GPC5: variants seen among roughly 807,000 people sequenced by gnomAD.
GPC5 encodes glypican 5.
A neutral mutation model predicts 53.9 loss-of-function variants in GPC5; 47 were observed. That is an observed-to-expected ratio of 0.87 (90% CI 0.69 to 1.11). The LOEUF is 1.11. GPC5 is among the 50% of genes most tolerant of loss of function. The probability of loss-of-function intolerance (pLI) is 0.00; values close to 1 mark genes in which losing one functional copy is unlikely to be tolerated. For synonymous variants in GPC5, 286 were observed against 263.3 expected, an observed-to-expected ratio of 1.09 and a Z score of -0.84; for missense variants, 748 against 713.1, an observed-to-expected ratio of 1.05 and a Z score of -0.56.
intron 7 of GPC5, among the ~76,000 whole-genome samples, chr13:92,652,765 G>A (rs555239387): frequency 6.6e-6 from 1 of 152,254 alleles, no homozygotes; most frequent in South Asian, 2.1e-4. Context: ...TCATGGCAAA[G>A]ATGCAATCCC....
intron 7 of GPC5, among the ~76,000 whole-genome samples, chr13:92,307,966 T>C (rs1385288580): frequency 6.6e-6 from 1 of 152,210 alleles, no homozygotes; most frequent in Non-Finnish European, 1.5e-5. Flanking sequence ...CATTTTTTAT[T>C]GTCAGATGGA....
intron 2 of GPC5, among the ~76,000 whole-genome samples, chr13:91,558,238 C>T (rs2031067989): frequency 6.6e-6 from 1 of 152,002 alleles, no homozygotes; most frequent in African/African-American, 2.4e-5. Context: ...TATTTGCTCA[C>T]AGTCTTATCA....
At chr13:92,026,265 C>A (rs1297874632) in intron 6 of GPC5, among the ~76,000 whole-genome samples, 2 of 151,826 alleles carry the variant, frequency 1.3e-5, no homozygotes, top group Non-Finnish European at 2.9e-5. Flanking sequence ...AGTTTCTTTA[C>A]ATAAATATTT....
chr13:92,557,529 C>CAA (rs1882538730), intron 7 of GPC5, among the ~76,000 whole-genome samples: 1 of 151,972 alleles, frequency 6.6e-6, no homozygotes, highest in Non-Finnish European at 1.5e-5. Context: ...GGCATATTTT[C>CAA]AAACACATTT....
At chr13:91,747,448 A>G (rs1283191334) in intron 4 of GPC5, among the ~76,000 whole-genome samples, 5 of 152,202 alleles carry the variant, frequency 3.3e-5, no homozygotes, top group Admixed American at 6.5e-5. Context: ...TGAATGAGCA[A>G]TTGTGCTACA....
At chr13:91,993,201 C>T (rs1201525967) in intron 6 of GPC5, among the ~76,000 whole-genome samples, 1 of 152,138 alleles carries the variant, frequency 6.6e-6, no homozygotes, top group African/African-American at 2.4e-5. Flanking sequence ...CTGTTGGATG[C>T]CTTTATTTCT....
chr13:92,589,047 G>T (rs1947610128), intron 7 of GPC5, among the ~76,000 whole-genome samples: 2 of 152,138 alleles, frequency 1.3e-5, no homozygotes, highest in Admixed American at 6.5e-5. Context: ...AAAACATGTG[G>T]CAGTTTCTTT....
chr13:91,886,910 T>C (rs915400546), intron 5 of GPC5, among the ~76,000 whole-genome samples: 67 of 152,286 alleles, frequency 4.4e-4, no homozygotes, highest in Middle Eastern at 6.8e-3. Flanking sequence ...GTAAACAGTG[T>C]AAGCTGTTGG....
At chr13:92,338,647 T>C (rs1381455201) in intron 7 of GPC5, among the ~76,000 whole-genome samples, 2 of 152,100 alleles carry the variant, frequency 1.3e-5, no homozygotes, top group Admixed American at 6.6e-5. Context: ...TAAAAGGTTA[T>C]ATACCATGTG....
chr13:91,437,167 G>A (rs573524353), intron 1 of GPC5, among the ~76,000 whole-genome samples: 2 of 152,208 alleles, frequency 1.3e-5, no homozygotes, highest in African/African-American at 2.4e-5. Context: ...TCTTTTAATT[G>A]GAGCATTTAG....
intron 7 of GPC5, among the ~76,000 whole-genome samples, chr13:92,670,960 C>T (rs1364087713): frequency 3.3e-5 from 5 of 152,092 alleles, no homozygotes; most frequent in South Asian, 2.1e-4. Context: ...TGGCAGCCTA[C>T]GATCCATCAA....
chr13:92,693,420 T>C (rs1016142885), intron 7 of GPC5, among the ~76,000 whole-genome samples: 1 of 152,118 alleles, frequency 6.6e-6, no homozygotes, highest in Non-Finnish European at 1.5e-5. Context: ...GATAGTAATA[T>C]GAAAAGTGAA....
At chr13:91,803,454 T>C (rs868377570) in intron 5 of GPC5, among the ~76,000 whole-genome samples, 26 of 152,210 alleles carry the variant, frequency 1.7e-4, no homozygotes, top group South Asian at 6.2e-4. Flanking sequence ...CACACATCTG[T>C]ACCTGGTCAT....
Position 92,020,969 on chromosome 13 carries a change from T to C in GPC5, c.1401+112912T>C, listed in dbSNP as rs1047392337. On this transcript the variant is annotated intron_variant, in intron 6 of 7. Coordinates refer to ENST00000377067, the MANE Select transcript of GPC5 (RefSeq NM_004466.6). ...TACAGTTTTAGGTCATACGTTTAAG[T>C]CTTTAATGCATTTTGAGTTGATTTT... Among the ~76,000 whole-genome samples, 3 of 152,306 alleles carry C rather than the reference T, an allele frequency of 2.0e-5. 1 individual carries two copies. Among genetic ancestry groups the C allele is most frequent in the Middle Eastern group, 6.8e-3 (2 of 294 alleles).
intron 7 of GPC5, among the ~76,000 whole-genome samples, chr13:92,171,655 C>T (rs1418498230): frequency 1.3e-5 from 2 of 152,158 alleles, no homozygotes; most frequent in Non-Finnish European, 2.9e-5. Flanking sequence ...TTCCTTGACC[C>T]ATCCCTTTCA....
intron 2 of GPC5, among the ~76,000 whole-genome samples, chr13:91,517,407 C>T (rs1485583128): frequency 6.6e-6 from 1 of 152,166 alleles, no homozygotes; most frequent in African/African-American, 2.4e-5. Context: ...TTTGCTAAAA[C>T]ATAACAAGAA....
At chr13:92,276,158 G>A (rs112180632) in intron 7 of GPC5, among the ~76,000 whole-genome samples, 142 of 152,198 alleles carry the variant, frequency 9.3e-4, no homozygotes, top group African/African-American at 3.2e-3. Flanking sequence ...AAGGTTACTT[G>A]GGCTGATACA....
intron 2 of GPC5, among the ~76,000 whole-genome samples, chr13:91,637,725 T>A (rs2034318936): frequency 1.3e-5 from 2 of 152,168 alleles, no homozygotes; most frequent in South Asian, 2.1e-4. Context: ...AAAACAGTAT[T>A]GGCCATAAAA....
intron 2 of GPC5, among the ~76,000 whole-genome samples, chr13:91,556,083 A>G (rs1246729571): frequency 6.6e-6 from 1 of 151,586 alleles, no homozygotes; most frequent in East Asian, 1.9e-4. Flanking sequence ...TATCCCTTCC[A>G]CCACTTCTGA....
Sources: gnomAD v4.1 joint callset for allele counts (sites outside exome capture counted in the v4.1 genomes callset) on GRCh38, gnomAD v4.1.1 for gene constraint, MANE v1.5 for transcripts, NCBI Gene and HGNC (gene_info 2026-07-23, HGNC 2026-07-21) for gene names.